Variants in RAB40B observed in about 807,000 individuals in gnomAD.
RAB40B encodes ras-related protein Rab-40B.
Under a neutral mutation model 24.0 loss-of-function variants are expected in RAB40B, and 21 were observed. The observed-to-expected ratio is 0.88, with a 90% CI of 0.62 to 1.26. The LOEUF is 1.26. Ranked by LOEUF, RAB40B falls within the 50% of genes most tolerant of loss-of-function variation. The pLI is 0.00. For missense variants in RAB40B, 348 were observed against 390.5 expected, an observed-to-expected ratio of 0.89 and a Z score of 0.92; for synonymous variants, 167 against 169.8, an observed-to-expected ratio of 0.98 and a Z score of 0.13.
Position 82,692,709 on chromosome 17 carries a change from T to C in RAB40B, c.142+5746A>G, listed in dbSNP as rs543720815. On this transcript the variant is annotated intron_variant, in intron 1 of 5. Transcript: ENST00000571995. The surrounding 1 kb of genome is among the most constrained non-coding windows in gnomAD (Gnocchi z 4.0). The stretch of plus-strand genomic sequence containing the variant: ...AAACGATGCTTGTAGAGAACATTTT[T>C]TTTTTAAATCTGGGAGCAGCAAAGG... 4.6e-5 allele frequency among the ~76,000 whole-genome samples: 7 copies of C among 152,338 alleles called. No homozygotes were observed. In the East Asian group the frequency reaches 1.4e-3, roughly 29 times the overall value.
rs996111977 is a variant in RAB40B at position 82,663,777 on chromosome 17, G to A, written c.203+719C>T. Among the ~76,000 whole-genome samples the A allele has an allele frequency of 5.3e-5, 8 of 152,160 alleles. No homozygotes were observed. Among genetic ancestry groups the A allele is most frequent in the African/African-American group, 7.2e-5 (3 of 41,438 alleles). On this transcript the variant is annotated intron_variant, in intron 2 of 5. Transcript: ENST00000571995. The surrounding 1 kb of genome is among the most constrained non-coding windows in gnomAD (Gnocchi z 6.2). The stretch of plus-strand genomic sequence containing the variant: ...AGGAGCCCCGGGCTGCCTCAACCAC[G>A]CTGCATCGGTCCCCTCTTGGCATCT...
rs1479728149 is a variant in RAB40B, at chr17:82,692,858, AG to A, written c.142+5596del. Reference sequence around the variant, plus strand: ...AGTGGAAAGGTGACGTGCAGATGAGAGTGGCTATCCAGGATCACACAGCCGA... The same window carrying A: ...AGTGGAAAGGTGACGTGCAGATGAGATGGCTATCCAGGATCACACAGCCGA... On this transcript the variant is annotated intron_variant, in intron 1 of 5. Transcript: ENST00000571995. This position sits in a 1 kb window ranked among gnomAD's most constrained non-coding sequence, Gnocchi z 4.0. 3.9e-5 allele frequency among the ~76,000 whole-genome samples: 6 copies of A among 152,212 alleles called. No individual in the cohort carries two copies. Among genetic ancestry groups the A allele is most frequent in the Non-Finnish European group, 8.8e-5 (6 of 68,032 alleles).
intron 1 of RAB40B, among the ~76,000 whole-genome samples, chr17:82,684,505 A>G (rs2046477873): frequency 6.6e-6 from 1 of 152,184 alleles, no homozygotes; most frequent in Non-Finnish European, 1.5e-5. Context: ...GGCTTTTTTC[A>G]TAGATCGCCA....
chr17:82,664,625 A>G, intron 1 of RAB40B, 69 bp from the exon 2 acceptor site: 2 of 1,433,620 alleles, frequency 1.4e-6, no homozygotes, highest in Non-Finnish European at 9.7e-7. Flanking sequence ...TCTCACGTTC[A>G]GGGAAGAAAA....
intron 1 of RAB40B, among the ~76,000 whole-genome samples, chr17:82,685,525 C>T (rs1230477412): frequency 2.0e-5 from 3 of 152,152 alleles, no homozygotes; most frequent in South Asian, 2.1e-4. Context: ...TCAGATGGGG[C>T]GGGCCCCAGG....
intron 1 of RAB40B, among the ~76,000 whole-genome samples, chr17:82,683,463 A>C (rs1177446340): frequency 6.6e-6 from 1 of 152,200 alleles, no homozygotes; most frequent in Non-Finnish European, 1.5e-5. Context: ...AAATTCAATA[A>C]AAAGAAAATA....
chr17:82,680,700 T>A (rs1158664786), intron 1 of RAB40B, among the ~76,000 whole-genome samples: 2 of 152,304 alleles, frequency 1.3e-5, no homozygotes, highest in South Asian at 4.1e-4. Flanking sequence ...TTTAACATTT[T>A]TCATATGAAG....
Position 82,692,355 on chromosome 17 carries a change from C to A in RAB40B, c.142+6100G>T, listed in dbSNP as rs1430740963. 6.6e-6 allele frequency among the ~76,000 whole-genome samples: 1 copy of A among 152,196 alleles called. No homozygotes were observed. Among genetic ancestry groups the A allele is most frequent in the African/African-American group, 2.4e-5 (1 of 41,432 alleles). ...TACAGACCGAGAGGAAGACAAACGC[C>A]CAGGAGGGAGAATCCAGGCCTCGCT... On this transcript the variant is annotated intron_variant, in intron 1 of 5. Coordinates refer to ENST00000571995, the MANE Select transcript of RAB40B (RefSeq NM_006822.3). The surrounding 1 kb of genome is among the most constrained non-coding windows in gnomAD (Gnocchi z 4.0).
At chr17:82,659,154 C>T (rs544816890) in intron 4 of RAB40B, 13 of 240,146 alleles carry the variant, frequency 5.4e-5, no homozygotes, top group Non-Finnish European at 6.5e-5. Context: ...AGGTTGTGGT[C>T]GTCGGTTCTA....
chr17:82,691,727 C>T (rs1422995143), intron 1 of RAB40B, among the ~76,000 whole-genome samples: 1 of 152,122 alleles, frequency 6.6e-6, no homozygotes, highest in East Asian at 1.9e-4. Flanking sequence ...AAACTCAGCA[C>T]TCAGAGAAGG....
chr17:82,698,179 C>T (rs1204771859), intron 1 of RAB40B, among the ~76,000 whole-genome samples: 1 of 151,966 alleles, frequency 6.6e-6, no homozygotes, highest in Admixed American at 6.6e-5. Flanking sequence ...GACTGCGCCG[C>T]GGGGCCTCGA....
intron 1 of RAB40B, among the ~76,000 whole-genome samples, chr17:82,683,124 C>T (rs2046462505): frequency 6.6e-6 from 1 of 152,120 alleles, no homozygotes; most frequent in African/African-American, 2.4e-5. Flanking sequence ...GCCTGGGCTA[C>T]AGAGTGAGAC....
rs1371962188 is a variant in RAB40B at position 82,692,965 on chromosome 17, ACATAAGACT to A, written c.142+5481_142+5489del. Among the ~76,000 whole-genome samples, 13 of 152,180 alleles carry A rather than the reference ACATAAGACT, an allele frequency of 8.5e-5. No individual in the cohort carries two copies. In the East Asian group the frequency reaches 2.5e-3, roughly 29 times the overall value. ...AAATTCAACCTAAATGAAAAAACAG[ACATAAGACT>A]TGGGCATTTTTCTTCTTTCTGTTTC... On this transcript the variant is annotated intron_variant, in intron 1 of 5. Transcript: ENST00000571995. This position sits in a 1 kb window ranked among gnomAD's most constrained non-coding sequence, Gnocchi z 4.0.
Position 82,660,969 on chromosome 17 carries a change from C to G in RAB40B, c.264+18G>C, listed in dbSNP as rs376936564. 1 of 1,612,608 alleles carries G rather than the reference C, an allele frequency of 6.2e-7. No homozygotes were observed. Among genetic ancestry groups the G allele is most frequent in the Admixed American group, 1.7e-5 (1 of 59,902 alleles). ...TCAAAGTTGGTTTGATCTCCCAGCT[C>G]GGGGGATGCTGTGTTACCTGTGCGC... On this transcript the variant is annotated intron_variant, in intron 3 of 5. Coordinates refer to ENST00000571995, the MANE Select transcript of RAB40B (RefSeq NM_006822.3).
intron 1 of RAB40B, chr17:82,664,775 G>A: frequency 3.8e-6 from 2 of 525,810 alleles, no homozygotes; most frequent in South Asian, 2.1e-5. Context: ...CTTGGCCTCT[G>A]TGGGGGTCAG....
chr17:82,698,582 G>T lies in RAB40B; in HGVS notation c.15C>A (p.Gly5=). The change falls in exon 1 of 6, where the codon GGC becomes GGA. Residue 5 remains glycine (G), a synonymous_variant. Coordinates refer to ENST00000571995, the MANE Select transcript of RAB40B (RefSeq NM_006822.3). ...GAAAGTCGTAGGCCCGGACCGGGCTGCCCAGGGCGCTCATCGTGACGGCCC... is the reference window on the plus strand; with the variant it reads ...GAAAGTCGTAGGCCCGGACCGGGCTTCCCAGGGCGCTCATCGTGACGGCCC... MSAL[G]SPVRAYDFLL... 1 of 1,473,526 alleles carries T rather than the reference G, an allele frequency of 6.8e-7. No homozygotes were observed. The highest frequency in any genetic ancestry group is 2.0e-5 in the Admixed American group (1 of 49,414). The allele number at this position is 1,473,526 out of a possible 1,614,324, so 91.3% of individuals were successfully genotyped here.
Position 82,656,380 on chromosome 17 carries a change from C to T in RAB40B, c.*1483G>A, listed in dbSNP as rs544204516. Reference sequence around the variant, plus strand: ...CACAGAGAAACGTTCAACAGTGTGACCAGGGAAGAGAGCGGCCCTGGAGGT... The same window carrying T: ...CACAGAGAAACGTTCAACAGTGTGATCAGGGAAGAGAGCGGCCCTGGAGGT... On this transcript the variant is annotated 3_prime_UTR_variant, in exon 6 of 6. Transcript: ENST00000571995. 6.6e-6 allele frequency: 1 copy of T among 152,286 alleles called. No homozygotes were observed. The highest frequency in any genetic ancestry group is 1.9e-4 in the East Asian group (1 of 5,186). 9.4% of individuals were successfully genotyped at this position (152,286 alleles called of 1,614,324 possible). A position where few individuals can be genotyped will look rare whatever the true frequency, so the allele number is the denominator to read the frequency against.
At chr17:82,689,691 C>T (rs543078399) in intron 1 of RAB40B, among the ~76,000 whole-genome samples, 60 of 152,192 alleles carry the variant, frequency 3.9e-4, no homozygotes, top group Non-Finnish European at 7.6e-4. Flanking sequence ...GAAAACTGGC[C>T]GGGCACGTGG....
intron 1 of RAB40B, chr17:82,696,845 C>T (rs2046614011): frequency 1.9e-5 from 3 of 157,160 alleles, no homozygotes; most frequent in Admixed American, 1.3e-4. Flanking sequence ...ACAGCGACAT[C>T]CGAACTATCT....
Sources: gnomAD v4.1 joint callset for allele counts (sites outside exome capture counted in the v4.1 genomes callset) on GRCh38, gnomAD v4.1.1 for gene constraint, Gnocchi (gnomAD v3.1) non-coding constraint, MANE v1.5 for transcripts, NCBI Gene and HGNC (gene_info 2026-07-23, HGNC 2026-07-21) for gene names.